Variants in PSD3 observed in about 807,000 individuals in gnomAD.
PSD3 encodes pleckstrin and Sec7 domain containing 3, also known as PH and SEC7 domain-containing protein 3.
PSD3 carries 49 observed loss-of-function variants against 105.5 expected under a neutral mutation model. That is an observed-to-expected ratio of 0.46 (90% CI 0.37 to 0.59). The LOEUF (loss-of-function observed/expected upper bound fraction) is 0.59. PSD3 is among the 20% of genes least tolerant of loss of function. The pLI, the probability that PSD3 is intolerant of heterozygous loss-of-function variation, is 0.00. For missense variants in PSD3, 1,561 were observed against 1,263.8 expected (o/e 1.24, Z -3.57); for synonymous variants, 557 against 457.8 (o/e 1.22, Z -2.77).
intron 1 of PSD3, among the ~76,000 whole-genome samples, chr8:18,945,065 C>G (rs1822775708): frequency 7.4e-6 from 1 of 135,998 alleles, no homozygotes. Flanking sequence ...GAATTTCAGA[C>G]AGACACACAC....
chr8:18,848,727 C>T (rs1337240123), intron 4 of PSD3, among the ~76,000 whole-genome samples: 1 of 152,166 alleles, frequency 6.6e-6, no homozygotes, highest in African/African-American at 2.4e-5. Flanking sequence ...TATCAAAACA[C>T]TGGCTTGTTG....
intron 15 of PSD3, among the ~76,000 whole-genome samples, chr8:18,538,006 A>G (rs573277433): frequency 4.6e-5 from 7 of 152,150 alleles, no homozygotes; most frequent in South Asian, 2.1e-4. Context: ...CCTCCTTAAC[A>G]TGGACATGAC....
intron 9 of PSD3, among the ~76,000 whole-genome samples, chr8:18,692,910 A>G (rs1433897177): frequency 6.6e-6 from 1 of 152,220 alleles, no homozygotes; most frequent in Non-Finnish European, 1.5e-5. Flanking sequence ...AAACTTTAAT[A>G]CCAAAGCTAA....
intron 10 of PSD3, 88 bp downstream of exon 10, chr8:18,655,554 C>G: frequency 7.2e-6 from 9 of 1,258,402 alleles, no homozygotes; most frequent in Non-Finnish European, 1.0e-5. Flanking sequence ...CATATTTAAT[C>G]CTTCTCTAAG....
In PSD3 at chr8:18,684,247, CA is replaced by C. The variant is rs768519516; in HGVS notation, c.2173-28563del. The C allele has an allele frequency of 5.7e-3, 1,055 of 186,378 alleles. 7 individuals are homozygous for C. Among genetic ancestry groups the C allele is most frequent in the South Asian group, 0.015 (93 of 6,054 alleles). The allele number at this position is 186,378 out of a possible 1,614,324, so 11.5% of individuals were successfully genotyped here. ...ACACACACACACACACACACACACA[CA>C]CACCCCATCATATTCACACACTGGA... On this transcript the variant is annotated intron_variant, in intron 9 of 15. Coordinates refer to ENST00000327040, the MANE Select transcript of PSD3 (RefSeq NM_015310.4).
chr8:18,786,732 T>A (rs949585915), intron 8 of PSD3: 1 of 152,244 alleles, frequency 6.6e-6, no homozygotes, highest in Non-Finnish European at 1.5e-5. Flanking sequence ...ATAAAGATAA[T>A]GTGGTTTTCT....
intron 11 of PSD3, among the ~76,000 whole-genome samples, chr8:18,617,828 T>C (rs1415710079): frequency 6.6e-6 from 1 of 152,136 alleles, no homozygotes; most frequent in Admixed American, 6.5e-5. Context: ...GACTCTAATA[T>C]AGCATCACAT....
At chr8:18,716,718 A>G (rs927845017) in intron 9 of PSD3, among the ~76,000 whole-genome samples, 1 of 152,236 alleles carries the variant, frequency 6.6e-6, no homozygotes, top group Non-Finnish European at 1.5e-5. Flanking sequence ...TTAATAGACC[A>G]TTGTAGTTCT....
At position 18,696,069 on chromosome 8, in the gene PSD3, G is replaced by T. The variant is rs376099880; in HGVS notation, c.2173-40384C>A. Among the ~76,000 whole-genome samples, 11 of 152,308 alleles carry T rather than the reference G, an allele frequency of 7.2e-5. No individual in the cohort carries two copies. In the South Asian group the frequency reaches 2.3e-3, roughly 32 times the overall value. On this transcript the variant is annotated intron_variant, in intron 9 of 15. Transcript: ENST00000327040. The stretch of plus-strand genomic sequence containing the variant: ...GAGAATTGCCCTGAGATGAAAAAAG[G>T]TGCCTGGCCCAGGGTCATGGGAGAC...
At chr8:18,544,370 A>G (rs997226856) in intron 15 of PSD3, among the ~76,000 whole-genome samples, 1 of 151,990 alleles carries the variant, frequency 6.6e-6, no homozygotes, top group Non-Finnish European at 1.5e-5. Context: ...TTCAAAACAG[A>G]GTTCCTGTAT....
At position 18,861,267 on chromosome 8, in the gene PSD3, G is replaced by T. The variant is rs118003647; in HGVS notation, c.1634+6407C>A. On this transcript the variant is annotated intron_variant, in intron 4 of 15. Coordinates refer to ENST00000327040, the MANE Select transcript of PSD3 (RefSeq NM_015310.4). Reference sequence around the variant, plus strand: ...CACACAGAAGAGCTTCCAGGAAACTGACCTTACAGGGCACATTTTCTACAG... The same window carrying T: ...CACACAGAAGAGCTTCCAGGAAACTTACCTTACAGGGCACATTTTCTACAG... Among the ~76,000 whole-genome samples, 57 of 152,198 alleles carry T rather than the reference G, an allele frequency of 3.7e-4. 1 individual carries two copies. In the East Asian group the frequency reaches 0.01, roughly 28 times the overall value.
chr8:19,045,761 G>T (rs1004400539), intron 1 of PSD3, among the ~76,000 whole-genome samples: 1 of 152,196 alleles, frequency 6.6e-6, no homozygotes, highest in Non-Finnish European at 1.5e-5. Context: ...GGAGGGTGGA[G>T]AAGATGCTGT....
chr8:18,966,171 T>G (rs1824230054), intron 1 of PSD3, among the ~76,000 whole-genome samples: 1 of 152,206 alleles, frequency 6.6e-6, no homozygotes, highest in South Asian at 2.1e-4. Flanking sequence ...TGCTGCTCAC[T>G]AAGATGGATT....
In PSD3 at chr8:18,736,347, G is replaced by C. The variant is rs576669868; in HGVS notation, c.2172+29102C>G. Among the ~76,000 whole-genome samples, 26 of 152,198 alleles carry C rather than the reference G, an allele frequency of 1.7e-4. No individual in the cohort carries two copies. The East Asian group carries it at 3.9e-3, about 23-fold the overall frequency. ...TACCTACCCTCAAGGGTTACTGAAA[G>C]AATCAAATGTGTTAATATATTTAAA... On this transcript the variant is annotated intron_variant, in intron 9 of 15. Transcript: ENST00000327040.
intron 1 of PSD3, among the ~76,000 whole-genome samples, chr8:19,031,333 A>G (rs184829225): frequency 1.3e-5 from 2 of 152,290 alleles, no homozygotes; most frequent in East Asian, 1.9e-4. Context: ...AATAATAAGC[A>G]TATTATTTAT....
chr8:18,761,300 G>T (rs1264803221), intron 9 of PSD3, among the ~76,000 whole-genome samples: 1 of 152,134 alleles, frequency 6.6e-6, no homozygotes, highest in Non-Finnish European at 1.5e-5. Flanking sequence ...GTGGGTAGAG[G>T]TTTTGACTAC....
intron 12 of PSD3, among the ~76,000 whole-genome samples, chr8:18,591,969 T>C (rs143812934): frequency 6.6e-6 from 1 of 152,290 alleles, no homozygotes; most frequent in East Asian, 1.9e-4. Context: ...CCAGTCTCTA[T>C]ACTGGAAGAG....
chr8:18,744,943 T>A (rs190880401), intron 9 of PSD3, among the ~76,000 whole-genome samples: 1 of 152,214 alleles, frequency 6.6e-6, no homozygotes, highest in South Asian at 2.1e-4. Context: ...AGTTATTATA[T>A]AGAATATCTT....
At chr8:18,789,758 G>C (rs572289650) in intron 8 of PSD3, among the ~76,000 whole-genome samples, 3 of 152,238 alleles carry the variant, frequency 2.0e-5, no homozygotes, top group African/African-American at 7.2e-5. Flanking sequence ...AACAGGATTG[G>C]AAACAAGAGT....
Sources: gnomAD v4.1 joint callset for allele counts (sites outside exome capture counted in the v4.1 genomes callset) on GRCh38, gnomAD v4.1.1 for gene constraint, MANE v1.5 for transcripts, NCBI Gene and HGNC (gene_info 2026-07-23, HGNC 2026-07-21) for gene names.